Variants in C15orf39 observed in about 807,000 individuals in gnomAD.
The protein encoded by C15orf39 is uncharacterized protein C15orf39.
In C15orf39, 24 loss-of-function variants were observed where a neutral mutation model predicts 53.9. The ratio of observed to expected loss-of-function variants is 0.45; its 90% CI spans 0.32 to 0.63. C15orf39 has a LOEUF of 0.63. C15orf39 is among the 20% of genes least tolerant of loss of function. The probability of loss-of-function intolerance (pLI) is 0.04; values close to 1 mark genes in which losing one functional copy is unlikely to be tolerated. For synonymous variants in C15orf39, 569 were observed against 576.5 expected, an observed-to-expected ratio of 0.99 and a Z score of 0.19; for missense variants, 1,271 against 1,347.9, an observed-to-expected ratio of 0.94 and a Z score of 0.89.
Position 75,205,982 on chromosome 15 carries a change from TTCTC to T in C15orf39, c.-50-11_-50-8del. On this transcript the variant is annotated splice_polypyrimidine_tract_variant and intron_variant, in intron 1 of 2. Transcript: ENST00000394987. ...CCTGTTTTCCTGACAGCCCCTGCCT[TTCTC>T]TCTCTATCCCAGGTCAGAAGTTGAG... 6.9e-7 allele frequency: 1 copy of T among 1,443,788 alleles called. No homozygotes were observed. The highest frequency in any genetic ancestry group is 1.4e-5 in the African/African-American group (1 of 69,928). 89.4% of individuals were successfully genotyped at this position (1,443,788 alleles called of 1,614,324 possible).
chr15:75,209,728 C>A (rs1432769061), intron 2 of C15orf39: 1 of 152,236 alleles, frequency 6.6e-6, no homozygotes, highest in East Asian at 1.9e-4. Context: ...GCCCCCAATT[C>A]CACCCTCTCC....
In C15orf39 at chr15:75,208,141, C is replaced by T. The variant is rs1595955974; in HGVS notation, c.2093C>T (p.Pro698Leu). ...PIGLRILAQQ[P>L]LSVTCFSLAL... ...GGACTGCGGATTCTCGCTCAACAGCCCTTGTCTGTGACCTGCTTCAGCCTG... is the reference window on the plus strand; with the variant it reads ...GGACTGCGGATTCTCGCTCAACAGCTCTTGTCTGTGACCTGCTTCAGCCTG... Residue 698 changes from proline (P) to leucine (L), a missense_variant, in exon 2 of 3, where the codon CCC becomes CTC. Physicochemically the swap from Pro to Leu is moderately conservative, Grantham distance 98 (BLOSUM62 -3). Around this residue, in one of 2 missense-constraint regions of C15orf39, gnomAD observed 994 missense variants for 993.7 expected, o/e 1.00. Transcript: ENST00000394987. The T allele has an allele frequency of 1.2e-6, 2 of 1,614,106 alleles. No individual in the cohort carries two copies. The highest frequency in any genetic ancestry group is 1.1e-5 in the South Asian group (1 of 91,086).
chr15:75,208,256 T>C lies in C15orf39; in HGVS notation c.2208T>C (p.Ala736=). The part of the protein sequence containing the change: ...SPAPARAQAP[A]SARDPAPAPA... ...CTCCGGCTCGAGCTCAGGCTCCAGCTTCAGCCCGGGATCCAGCTCCAGCTC... is the reference window on the plus strand; with the variant it reads ...CTCCGGCTCGAGCTCAGGCTCCAGCCTCAGCCCGGGATCCAGCTCCAGCTC... Residue 736 remains alanine (A), a synonymous_variant, in exon 2 of 3, where the codon GCT becomes GCC. Coordinates refer to ENST00000394987, the MANE Select transcript of C15orf39 (RefSeq NM_015492.5). 2 of 1,600,256 alleles carry C rather than the reference T, an allele frequency of 1.2e-6. No homozygotes were observed. Among genetic ancestry groups the C allele is most frequent in the Non-Finnish European group, 8.5e-7 (1 of 1,173,268 alleles).
chr15:75,204,919 C>T (rs2070427928), intron 1 of C15orf39, among the ~76,000 whole-genome samples: 1 of 152,202 alleles, frequency 6.6e-6, no homozygotes, highest in African/African-American at 2.4e-5. Context: ...CCAGGCTCCT[C>T]ATGCTCTGGG....
intron 1 of C15orf39, among the ~76,000 whole-genome samples, chr15:75,204,982 GA>G (rs1274464636): frequency 2.6e-5 from 4 of 152,220 alleles, no homozygotes; most frequent in Admixed American, 6.5e-5. Context: ...GACTCCTGCG[GA>G]GGGGGAGGAG....
upstream of C15orf39, among the ~76,000 whole-genome samples, chr15:75,201,455 A>T (rs1263247400): frequency 6.6e-6 from 1 of 152,112 alleles, no homozygotes; most frequent in African/African-American, 2.4e-5. This position sits in a 1 kb window ranked among gnomAD's most constrained non-coding sequence, Gnocchi z 4.7. Context: ...CCCCTAATAC[A>T]CTAGTGCTGG....
intron 2 of C15orf39, among the ~76,000 whole-genome samples, chr15:75,209,778 C>G (rs918128851): frequency 1.3e-5 from 2 of 152,158 alleles, no homozygotes; most frequent in African/African-American, 4.8e-5. Context: ...GAAACTGTTC[C>G]TAGTTCCATC....
chr15:75,208,734 A>G lies in C15orf39; in HGVS notation c.2686A>G (p.Met896Val). 1 of 1,607,650 alleles carries G rather than the reference A, an allele frequency of 6.2e-7. No individual in the cohort carries two copies. Among genetic ancestry groups the G allele is most frequent in the Non-Finnish European group, 8.5e-7 (1 of 1,179,810 alleles). Residue 896 changes from methionine to valine, a missense_variant, in exon 2 of 3, where the codon ATG becomes GTG. This residue lies in a region of C15orf39 where 277 missense variants were observed against 354.1 expected (regional missense o/e 0.78). Coordinates refer to ENST00000394987, the MANE Select transcript of C15orf39 (RefSeq NM_015492.5). ...ELALPGCTSR[M>V]LKLLALRQLP... ...CGCCCTGCCAGGCTGCACCTCACGCATGCTGAAGTTACTGGCGCTGCGCCA... is the reference window on the plus strand; with the variant it reads ...CGCCCTGCCAGGCTGCACCTCACGCGTGCTGAAGTTACTGGCGCTGCGCCA...
upstream of C15orf39, among the ~76,000 whole-genome samples, chr15:75,201,223 GCTCCA>G (rs1242626067): frequency 6.6e-6 from 1 of 152,154 alleles, no homozygotes; most frequent in African/African-American, 2.4e-5. This position sits in a 1 kb window ranked among gnomAD's most constrained non-coding sequence, Gnocchi z 4.7. Flanking sequence ...GGCTGGGCGT[GCTCCA>G]CTCCACCCGC....
At position 75,208,590 on chromosome 15, in the gene C15orf39, C is replaced by G; in HGVS notation, c.2542C>G (p.Leu848Val). Residue 848 changes from leucine (L) to valine (V), a missense_variant, in exon 2 of 3, where the codon CTG becomes GTG. Physicochemically the swap from Leu to Val is conservative, Grantham distance 32. Transcript: ENST00000394987. ...RAGAIFVPIH[L>V]VKERLFPRLP... is the part of the protein sequence containing the mutation. ...TGGCGCCATCTTCGTGCCCATTCAC[C>G]TGGTGAAGGAGCGGCTCTTCCCTCG... is the stretch of plus-strand genomic sequence containing the variant. 1.3e-6 allele frequency: 2 copies of G among 1,579,330 alleles called. No homozygotes were observed. The highest frequency in any genetic ancestry group is 1.7e-6 in the Non-Finnish European group (2 of 1,163,178).
Position 75,206,862 on chromosome 15 carries a change from C to G in C15orf39, c.814C>G (p.Pro272Ala). 1.3e-6 allele frequency: 2 copies of G among 1,495,826 alleles called. 1 individual carries two copies. The highest frequency in any genetic ancestry group is 2.7e-5 in the South Asian group (2 of 75,422). 92.7% of individuals were successfully genotyped at this position (1,495,826 alleles called of 1,614,324 possible). Residue 272 changes from proline to alanine, a missense_variant, in exon 2 of 3, where the codon CCC becomes GCC. Around this residue, in one of 2 missense-constraint regions of C15orf39, gnomAD observed 994 missense variants for 993.7 expected, o/e 1.00. Transcript: ENST00000394987. ...CACCGGGCCCACCCACTACCCACCA[C>G]CCCACCACCCACCACCCCACCCTCC... Reference protein sequence around the residue: ...QDTGPTHYPPPHHPPPHPPQA... With the variant: ...QDTGPTHYPPAHHPPPHPPQA...
Position 75,206,580 on chromosome 15 carries a change from C to T in C15orf39, c.532C>T (p.Pro178Ser), listed in dbSNP as rs866242565. Residue 178 changes from proline to serine, a missense_variant, in exon 2 of 3, where the codon CCA (proline) becomes TCA (serine). This residue lies in a region of C15orf39 where 994 missense variants were observed against 993.7 expected (regional missense o/e 1.00). Coordinates refer to ENST00000394987, the MANE Select transcript of C15orf39 (RefSeq NM_015492.5). Reference protein sequence around the residue: ...PSADPPCSLAPAPSKGQTLDG... With the variant: ...PSADPPCSLASAPSKGQTLDG... Reference sequence around the variant, plus strand: ...AGCTGACCCACCCTGCTCTCTGGCCCCAGCTCCTAGCAAGGGCCAGACTCT... The same window carrying T: ...AGCTGACCCACCCTGCTCTCTGGCCTCAGCTCCTAGCAAGGGCCAGACTCT... 15 of 1,613,740 alleles carry T rather than the reference C, an allele frequency of 9.3e-6. No individual in the cohort carries two copies. The African/African-American group carries it at 1.3e-4, about 14-fold the overall frequency.
chr15:75,208,726 C>T lies in C15orf39; in HGVS notation c.2678C>T (p.Thr893Ile), dbSNP rs1433308746. 4 of 1,607,526 alleles carry T rather than the reference C, an allele frequency of 2.5e-6. No homozygotes were observed. Among genetic ancestry groups the T allele is most frequent in the Non-Finnish European group, 3.4e-6 (4 of 1,179,788 alleles). The part of the protein sequence containing the change: ...ALRELALPGC[T>I]SRMLKLLALR... ...CGGGAGCTCGCCCTGCCAGGCTGCACCTCACGCATGCTGAAGTTACTGGCG... is the reference window on the plus strand; with the variant it reads ...CGGGAGCTCGCCCTGCCAGGCTGCATCTCACGCATGCTGAAGTTACTGGCG... The change falls in exon 2 of 3, where the codon ACC (threonine) becomes ATC (isoleucine). Residue 893 changes from threonine (T) to isoleucine (I), a missense_variant. By Grantham distance (89) the Thr-to-Ile change is moderately conservative. Around this residue, in one of 2 missense-constraint regions of C15orf39, gnomAD observed 277 missense variants for 354.1 expected, o/e 0.78. Coordinates refer to ENST00000394987, the MANE Select transcript of C15orf39 (RefSeq NM_015492.5).
In C15orf39 at chr15:75,207,240, C is replaced by T. The variant is rs981766430; in HGVS notation, c.1192C>T (p.Pro398Ser). ...AGCATCCCCTGGGCTTGGAGGGACA[C>T]CACCTTCCCAGAACAATGTGCGGGC... ...YGASPGLGGT[P>S]PSQNNVRAVP... The change falls in exon 2 of 3, where the codon CCA (proline) becomes TCA (serine). Residue 398 changes from proline to serine, a missense_variant. Physicochemically the swap from Pro to Ser is moderately conservative, Grantham distance 74. Transcript: ENST00000394987. 1.9e-6 allele frequency: 3 copies of T among 1,613,698 alleles called. No individual in the cohort carries two copies. The highest frequency in any genetic ancestry group is 2.5e-6 in the Non-Finnish European group (3 of 1,179,988).
chr15:75,205,351 G>T (rs2070430486), intron 1 of C15orf39, among the ~76,000 whole-genome samples: 1 of 152,138 alleles, frequency 6.6e-6, no homozygotes, highest in Non-Finnish European at 1.5e-5. Flanking sequence ...GTGGCGGCAG[G>T]GTATGTCAAG....
Position 75,206,955 on chromosome 15 carries a change from C to G in C15orf39, c.907C>G (p.Pro303Ala). Reference sequence around the variant, plus strand: ...GCAGGGCAGCTACAGCCCAGCACTCCCACTGCAGCCTCTGGGGGGCCACAA... The same window carrying G: ...GCAGGGCAGCTACAGCCCAGCACTCGCACTGCAGCCTCTGGGGGGCCACAA... ...EKQGSYSPAL[P>A]LQPLGGHKGT... The change falls in exon 2 of 3, where the codon CCA (proline) becomes GCA (alanine). Residue 303 changes from proline to alanine, a missense_variant. Physicochemically the swap from Pro to Ala is conservative, Grantham distance 27. This residue lies in a region of C15orf39 where 994 missense variants were observed against 993.7 expected (regional missense o/e 1.00). Coordinates refer to ENST00000394987, the MANE Select transcript of C15orf39 (RefSeq NM_015492.5). The G allele has an allele frequency of 1.3e-6, 2 of 1,566,650 alleles. No homozygotes were observed. Among genetic ancestry groups the G allele is most frequent in the African/African-American group, 2.7e-5 (2 of 73,754 alleles).
In C15orf39 at chr15:75,210,922, T is replaced by A; in HGVS notation, c.2950T>A (p.Ser984Thr). The A allele has an allele frequency of 6.2e-7, 1 of 1,612,908 alleles. No individual in the cohort carries two copies. The highest frequency in any genetic ancestry group is 1.7e-5 in the Admixed American group (1 of 59,976). The change falls in exon 3 of 3, where the codon TCC (serine) becomes ACC (threonine). Residue 984 changes from serine to threonine, a missense_variant. Around this residue, in one of 2 missense-constraint regions of C15orf39, gnomAD observed 277 missense variants for 354.1 expected, o/e 0.78. Coordinates refer to ENST00000394987, the MANE Select transcript of C15orf39 (RefSeq NM_015492.5). The stretch of plus-strand genomic sequence containing the variant: ...AGCAGAGGCAGCTGCTGGGGAAGAG[T>A]CCTGTGGTGCCTCCCCTACCCCTGC... Reference protein sequence around the residue: ...EKAEAAAGEESCGASPTPATS... With the variant: ...EKAEAAAGEETCGASPTPATS...
Position 75,206,465 on chromosome 15 carries a change from C to T in C15orf39, c.417C>T (p.Cys139=), listed in dbSNP as rs777024266. 3.9e-5 allele frequency: 63 copies of T among 1,613,940 alleles called. No individual in the cohort carries two copies. The highest frequency in any genetic ancestry group is 6.7e-5 in the Admixed American group (4 of 59,992). ...APKPVYRNPL[C]YGLSTCLGEG... Reference sequence around the variant, plus strand: ...AACCTGTCTACCGCAACCCTCTGTGCTATGGGCTCTCAACTTGTCTGGGGG... The same window carrying T: ...AACCTGTCTACCGCAACCCTCTGTGTTATGGGCTCTCAACTTGTCTGGGGG... The change falls in exon 2 of 3, where the codon TGC becomes TGT. Residue 139 remains cysteine, a synonymous_variant. Transcript: ENST00000394987.
chr15:75,202,578 C>G (rs1257856028), intron 1 of C15orf39, among the ~76,000 whole-genome samples: 1 of 150,514 alleles, frequency 6.6e-6, no homozygotes, highest in Non-Finnish European at 1.5e-5. Flanking sequence ...CCCAGGCTGG[C>G]AGGATCGCCC....
Sources: gnomAD v4.1 joint callset for allele counts (sites outside exome capture counted in the v4.1 genomes callset) on GRCh38, gnomAD v4.1.1 for gene constraint, gnomAD v4.1.1 regional missense constraint, Gnocchi (gnomAD v3.1) non-coding constraint, MANE v1.5 for transcripts, NCBI Gene and HGNC (gene_info 2026-07-23, HGNC 2026-07-21) for gene names.